The following RAP1A variants were observed in gnomAD, a reference collection of about 807,000 sequenced individuals.
RAP1A encodes the protein ras-related protein Rap-1A.
In RAP1A, 6 loss-of-function variants were observed where a neutral mutation model predicts 26.4. The observed-to-expected ratio is 0.23, with a 90% CI of 0.12 to 0.45. The LOEUF (loss-of-function observed/expected upper bound fraction) is 0.45, where lower values mean the gene tolerates loss of function less well. Among genes scored for constraint, RAP1A ranks in the 20% least tolerant of loss-of-function variants. RAP1A has a pLI of 0.99. For synonymous variants in RAP1A, 73 were observed against 79.4 expected (o/e 0.92, Z 0.43); for missense variants, 121 against 217.2 (o/e 0.56, Z 2.78).
intron 1 of RAP1A, among the ~76,000 whole-genome samples, chr1:111,677,856 G>A (rs1171584238): frequency 3.3e-5 from 5 of 152,178 alleles, no homozygotes; most frequent in African/African-American, 7.2e-5. Context: ...ATAATGAGAG[G>A]GAACGATACA....
chr1:111,625,814 C>G (rs1185711737), intron 1 of RAP1A, among the ~76,000 whole-genome samples: 1 of 151,218 alleles, frequency 6.6e-6, no homozygotes, highest in Non-Finnish European at 1.5e-5. Context: ...TTTCCCTTTT[C>G]TTCCTTTTTC....
At chr1:111,707,283 A>C (rs1285784204) in intron 6 of RAP1A, among the ~76,000 whole-genome samples, 1 of 152,172 alleles carries the variant, frequency 6.6e-6, no homozygotes, top group African/African-American at 2.4e-5. Context: ...GGAAATAGGT[A>C]ATTATCATTT....
At chr1:111,636,974 A>T (rs1012843402) in intron 1 of RAP1A, among the ~76,000 whole-genome samples, 3 of 152,184 alleles carry the variant, frequency 2.0e-5, no homozygotes, top group Admixed American at 6.5e-5. Context: ...GCTTCATTTA[A>T]TAAAAGCTAC....
Position 111,586,970 on chromosome 1 carries a change from T to C in RAP1A, c.-28+44461T>C, listed in dbSNP as rs573670966. 1.1e-4 allele frequency among the ~76,000 whole-genome samples: 17 copies of C among 152,262 alleles called. 1 individual carries two copies. The South Asian group carries it at 3.3e-3, about 30-fold the overall frequency. On this transcript the variant is annotated intron_variant, in intron 1 of 7. Coordinates refer to the RAP1A transcript ENST00000356415. The stretch of plus-strand genomic sequence containing the variant: ...TCATGCCTCTATCAGACTGCGAAAC[T>C]GAATGCTAAGGTCCACGTAGAGGAC...
intron 1 of RAP1A, among the ~76,000 whole-genome samples, chr1:111,561,358 A>G (rs1341083697): frequency 6.6e-6 from 1 of 152,174 alleles, no homozygotes; most frequent in Admixed American, 6.5e-5. Context: ...TCCTGGGCTC[A>G]AGCGATCCGC....
In RAP1A at chr1:111,700,225, G is replaced by A. The variant is rs377732513; in HGVS notation, c.183+2728G>A. On this transcript the variant is annotated intron_variant, in intron 4 of 7. Coordinates refer to ENST00000369709, the MANE Select transcript of RAP1A (RefSeq NM_002884.4). ...TTTGTAACCCTGTCTGTATTAGGCC[G>A]TTTGCATTATTGTAAAGAAATACCT... Among the ~76,000 whole-genome samples, 10 of 152,110 alleles carry A rather than the reference G, an allele frequency of 6.6e-5. No individual in the cohort carries two copies. The South Asian group carries it at 1.4e-3, about 22-fold the overall frequency.
chr1:111,618,037 G>A (rs976895584), upstream of RAP1A, among the ~76,000 whole-genome samples: 5 of 114,260 alleles, frequency 4.4e-5, no homozygotes, highest in African/African-American at 1.7e-4. Flanking sequence ...GCAAGACTCC[G>A]CCTCAAAAAA....
intron 1 of RAP1A, among the ~76,000 whole-genome samples, chr1:111,676,011 A>T (rs559284909): frequency 6.6e-6 from 1 of 152,258 alleles, no homozygotes; most frequent in Admixed American, 6.5e-5. Context: ...AACTGCCCCC[A>T]TGATTTCAAT....
chr1:111,582,373 G>A (rs1296474525), intron 1 of RAP1A, among the ~76,000 whole-genome samples: 1 of 152,164 alleles, frequency 6.6e-6, no homozygotes, highest in African/African-American at 2.4e-5. Context: ...TCCTGATGCT[G>A]TTCAAATAAT....
rs1658557992 is a variant in RAP1A, at chr1:111,596,008, T to C, written c.-28+53499T>C. Among the ~76,000 whole-genome samples, 4 of 152,370 alleles carry C rather than the reference T, an allele frequency of 2.6e-5. No individual in the cohort carries two copies. The South Asian group carries it at 8.3e-4, about 32-fold the overall frequency. On this transcript the variant is annotated intron_variant, in intron 1 of 7. Transcript: ENST00000356415. ...AAAATAAGTTGCCAAGAGGACTTGC[T>C]AATAAATGTTTGAGCCAACATTAGA...
intron 1 of RAP1A, among the ~76,000 whole-genome samples, chr1:111,643,542 C>T (rs1394586021): frequency 1.3e-5 from 2 of 152,204 alleles, no homozygotes; most frequent in Admixed American, 6.5e-5. Context: ...ACTCTCTCCT[C>T]CTCAAACAAT....
chr1:111,595,838 A>C (rs997124039), intron 1 of RAP1A, among the ~76,000 whole-genome samples: 2 of 152,210 alleles, frequency 1.3e-5, no homozygotes, highest in African/African-American at 4.8e-5. Flanking sequence ...GTTTCATAGA[A>C]AATATAGTTC....
intron 1 of RAP1A, among the ~76,000 whole-genome samples, chr1:111,601,487 C>T (rs1008174505): frequency 6.6e-6 from 1 of 152,166 alleles, no homozygotes; most frequent in African/African-American, 2.4e-5. Flanking sequence ...AGCAGGTTAA[C>T]GTGAATGGGG....
chr1:111,599,881 C>T (rs1316579328), intron 1 of RAP1A: 2 of 152,152 alleles, frequency 1.3e-5, no homozygotes, highest in African/African-American at 2.4e-5. Flanking sequence ...ATGAATGACT[C>T]AGCACCATTC....
intron 1 of RAP1A, among the ~76,000 whole-genome samples, chr1:111,685,804 A>G (rs915300031): frequency 1.1e-4 from 17 of 152,338 alleles, no homozygotes; most frequent in Admixed American, 7.8e-4. Context: ...AAATCATTCT[A>G]CTATAAAGAC....
chr1:111,666,777 G>T (rs1660807916), intron 1 of RAP1A, among the ~76,000 whole-genome samples: 1 of 152,190 alleles, frequency 6.6e-6, no homozygotes. Context: ...CTTGTGCTCA[G>T]ATCCAAGGAA....
intron 2 of RAP1A, 119 bp downstream of exon 2, chr1:111,691,536 C>G: frequency 1.2e-6 from 1 of 842,414 alleles, no homozygotes; most frequent in Non-Finnish European, 1.9e-6. Context: ...TATCTGATAT[C>G]TGTCCCACAA....
chr1:111,609,084 ATCTG>A (rs1285615619), intron 1 of RAP1A, among the ~76,000 whole-genome samples: 1 of 152,196 alleles, frequency 6.6e-6, no homozygotes, highest in Non-Finnish European at 1.5e-5. Context: ...GTTTGTGCTA[ATCTG>A]TCTATTTAGG....
chr1:111,665,675 A>G (rs1185951554), intron 1 of RAP1A, among the ~76,000 whole-genome samples: 2 of 152,170 alleles, frequency 1.3e-5, no homozygotes, highest in Admixed American at 6.5e-5. Context: ...ATGATTTGCT[A>G]TGTTGCTAAA....
Sources: gnomAD v4.1 joint callset for allele counts (sites outside exome capture counted in the v4.1 genomes callset) on GRCh38, gnomAD v4.1.1 for gene constraint, MANE v1.5 for transcripts, NCBI Gene and HGNC (gene_info 2026-07-23, HGNC 2026-07-21) for gene names.